The following TRHDE variants were observed in gnomAD, a reference collection of about 807,000 sequenced individuals.
The protein encoded by TRHDE is thyrotropin releasing hormone degrading enzyme.
A neutral mutation model predicts 125.7 loss-of-function variants in TRHDE; 72 were observed. The observed-to-expected ratio is 0.57, with a 90% CI of 0.47 to 0.70. The LOEUF is 0.70. TRHDE is among the 30% of genes least tolerant of loss of function. The probability of loss-of-function intolerance (pLI) is 0.00; values close to 1 mark genes in which losing one functional copy is unlikely to be tolerated. For synonymous variants in TRHDE, 509 were observed against 509.1 expected (o/e 1.00, Z 0.00); for missense variants, 1,110 against 1,327.1 (o/e 0.84, Z 2.54).
chr12:72,126,636 T>C (rs774944131), intron 2 of TRHDE, among the ~76,000 whole-genome samples: 3 of 152,172 alleles, frequency 2.0e-5, no homozygotes, highest in Non-Finnish European at 4.4e-5. Flanking sequence ...GGTGCTGGGA[T>C]AGCTGGTTAG....
At chr12:72,388,824 T>C (rs762773213) in intron 3 of TRHDE, among the ~76,000 whole-genome samples, 16 of 151,812 alleles carry the variant, frequency 1.1e-4, no homozygotes, top group South Asian at 2.1e-4. Context: ...GTGAGGCTAT[T>C]AAAGAAGTTA....
intron 2 of TRHDE, among the ~76,000 whole-genome samples, chr12:72,194,488 G>T (rs1877399842): frequency 6.6e-6 from 1 of 152,054 alleles, no homozygotes; most frequent in Admixed American, 6.6e-5. Flanking sequence ...TGATGCTGAG[G>T]TTTGGGGTAC....
intron 2 of TRHDE, among the ~76,000 whole-genome samples, chr12:72,226,549 T>C (rs1249572970): frequency 1.3e-5 from 2 of 152,204 alleles, no homozygotes; most frequent in Non-Finnish European, 1.5e-5. Context: ...TTCTGTTTAG[T>C]AGAAATTCAA....
At chr12:72,475,542 T>A in intron 5 of TRHDE, among the ~76,000 whole-genome samples, 1 of 152,214 alleles carries the variant, frequency 6.6e-6, no homozygotes, top group Non-Finnish European at 1.5e-5. Context: ...TTCCAAATTT[T>A]GTCTTTGAAT....
At chr12:72,406,288 A>G (rs1296945920) in intron 3 of TRHDE, among the ~76,000 whole-genome samples, 1 of 152,136 alleles carries the variant, frequency 6.6e-6, no homozygotes, top group Non-Finnish European at 1.5e-5. Flanking sequence ...TTCCAGGGGA[A>G]TTGTGTAGTA....
chr12:72,171,785 G>C (rs2139335739), intron 2 of TRHDE, among the ~76,000 whole-genome samples: 1 of 152,274 alleles, frequency 6.6e-6, no homozygotes, highest in Admixed American at 6.5e-5. Context: ...TTTCCCAAGA[G>C]CTCTCCTACT....
intron 2 of TRHDE, among the ~76,000 whole-genome samples, chr12:72,349,478 T>G (rs1410877108): frequency 6.6e-6 from 1 of 152,042 alleles, no homozygotes; most frequent in Non-Finnish European, 1.5e-5. Context: ...TTTTCTTCCT[T>G]CTGTTTTATC....
intron 4 of TRHDE, 142 bp downstream of exon 4, chr12:72,470,054 T>C (rs1876568842): frequency 6.3e-6 from 5 of 791,194 alleles, no homozygotes; most frequent in Non-Finnish European, 9.7e-6. Context: ...TTCTGGAAGA[T>C]ATGTCATTTT....
chr12:72,564,742 A>G (rs1178523106), intron 9 of TRHDE, among the ~76,000 whole-genome samples: 3 of 127,276 alleles, frequency 2.4e-5, no homozygotes, highest in Non-Finnish European at 4.7e-5. Flanking sequence ...ATCTCGGCTC[A>G]CTGCAAGCTC....
chr12:72,124,139 T>C lies in TRHDE; in HGVS notation n.279+18387T>C, dbSNP rs1875658332. On this transcript the variant is annotated intron_variant and non_coding_transcript_variant, in intron 2 of 4. Transcript: ENST00000548156. ...TAGCCTCCATACATCTAATTCGTAGTGCCTCTGAATCAAATTAATGCCTCA... is the reference window on the plus strand; with the variant it reads ...TAGCCTCCATACATCTAATTCGTAGCGCCTCTGAATCAAATTAATGCCTCA... Among the ~76,000 whole-genome samples, 7 of 152,180 alleles carry C rather than the reference T, an allele frequency of 4.6e-5. No individual in the cohort carries two copies. In the South Asian group the frequency reaches 1.4e-3, roughly 32 times the overall value.
At chr12:72,416,006 T>C (rs948697707) in intron 3 of TRHDE, among the ~76,000 whole-genome samples, 2 of 152,112 alleles carry the variant, frequency 1.3e-5, no homozygotes, top group Admixed American at 6.6e-5. Context: ...ATAAACAGTG[T>C]ATGAAGATTC....
chr12:72,124,533 C>T (rs1401727585), intron 2 of TRHDE, among the ~76,000 whole-genome samples: 3 of 152,020 alleles, frequency 2.0e-5, no homozygotes, highest in Non-Finnish European at 4.4e-5. Flanking sequence ...TCAGGTTAGG[C>T]CTCAGTGAGA....
chr12:72,219,233 A>G (rs929605273), intron 2 of TRHDE, among the ~76,000 whole-genome samples: 2 of 151,992 alleles, frequency 1.3e-5, no homozygotes, highest in Non-Finnish European at 2.9e-5. Context: ...TGATTTATCT[A>G]TCAATTTATT....
At chr12:72,621,328 C>T (rs1873043640) in intron 14 of TRHDE, 123 bp downstream of exon 14, 1 of 705,270 alleles carries the variant, frequency 1.4e-6, no homozygotes, top group Admixed American at 2.6e-5. Context: ...TTACATTTCA[C>T]TTTCCCGAGA....
At chr12:72,278,761 G>A (rs1478639174) in intron 1 of TRHDE, among the ~76,000 whole-genome samples, 1 of 152,062 alleles carries the variant, frequency 6.6e-6, no homozygotes, top group African/African-American at 2.4e-5. Context: ...TTTCATTCAG[G>A]TCTTTTGCCC....
upstream of TRHDE, among the ~76,000 whole-genome samples, chr12:72,268,022 A>G (rs1879106337): frequency 6.6e-6 from 1 of 152,172 alleles, no homozygotes; most frequent in Non-Finnish European, 1.5e-5. Context: ...GTATAAAAAT[A>G]TTAATAAACT....
chr12:72,295,222 T>C (rs983165258), intron 2 of TRHDE, among the ~76,000 whole-genome samples: 2 of 151,390 alleles, frequency 1.3e-5, no homozygotes, highest in Non-Finnish European at 2.9e-5. Flanking sequence ...GTCTTCAGCG[T>C]GGTTTGGGCG....
At chr12:72,592,236 C>T (rs1044004147) in intron 12 of TRHDE, among the ~76,000 whole-genome samples, 6 of 152,108 alleles carry the variant, frequency 3.9e-5, no homozygotes, top group African/African-American at 1.2e-4. Flanking sequence ...CCATGTTCAA[C>T]CAGCTGTTAA....
intron 1 of TRHDE, among the ~76,000 whole-genome samples, chr12:72,284,975 G>T (rs958032590): frequency 6.6e-6 from 1 of 152,174 alleles, no homozygotes; most frequent in Non-Finnish European, 1.5e-5. Context: ...CAAGCGTGGT[G>T]TGTAGCAGCC....
Sources: gnomAD v4.1 joint callset for allele counts (sites outside exome capture counted in the v4.1 genomes callset) on GRCh38, gnomAD v4.1.1 for gene constraint, MANE v1.5 for transcripts, NCBI Gene and HGNC (gene_info 2026-07-23, HGNC 2026-07-21) for gene names.